The following ANKS1B variants were observed in gnomAD, a reference collection of about 807,000 sequenced individuals.
The protein encoded by ANKS1B is ankyrin repeat and sterile alpha motif domain-containing protein 1B.
In ANKS1B, 36 loss-of-function variants were observed where a neutral mutation model predicts 148.3. The observed-to-expected ratio is 0.24, with a 90% CI of 0.19 to 0.32. The LOEUF (loss-of-function observed/expected upper bound fraction) is 0.32, where lower values mean the gene tolerates loss of function less well. ANKS1B is among the 10% of genes least tolerant of loss of function. The pLI, the probability that ANKS1B is intolerant of heterozygous loss-of-function variation, is 1.00. For missense variants in ANKS1B, 1,157 were observed against 1,542.6 expected, an observed-to-expected ratio of 0.75 and a Z score of 4.19; for synonymous variants, 542 against 560.8, an observed-to-expected ratio of 0.97 and a Z score of 0.47.
At chr12:98,735,499 C>G in exon 10 of ANKS1B, 1 of 629,114 alleles carries the variant, frequency 1.6e-6, no homozygotes, top group Non-Finnish European at 3.1e-6. Context: ...GTGAAGGATT[C>G]AAGCTAAATA....
intron 17 of ANKS1B, among the ~76,000 whole-genome samples, chr12:98,925,730 C>T (rs946656048): frequency 5.3e-5 from 8 of 152,060 alleles, no homozygotes; most frequent in Non-Finnish European, 8.8e-5. Context: ...CTGGAGGGGA[C>T]AGGTCAGGTA....
At chr12:99,823,450 C>T (rs138260719) in intron 2 of ANKS1B, among the ~76,000 whole-genome samples, 310 of 152,170 alleles carry the variant, frequency 2.0e-3, no homozygotes, top group African/African-American at 7.3e-3. Context: ...GGATTACAGG[C>T]ACATATCATC....
rs115644962 is a variant in ANKS1B at position 99,483,566 on chromosome 12, A to G, written c.1438+20910T>C. Among the ~76,000 whole-genome samples the G allele has an allele frequency of 4.7e-3, 708 of 152,032 alleles. 5 individuals are homozygous for G. Among genetic ancestry groups the G allele is most frequent in the African/African-American group, 0.015 (636 of 41,492 alleles). On this transcript the variant is annotated intron_variant, in intron 10 of 26. Transcript: ENST00000683438. The stretch of plus-strand genomic sequence containing the variant: ...TTAACCTTTTGGAAGTTTCAGTAGG[A>G]TTGGTACCAATTCTCTTTTTAATGA...
intron 17 of ANKS1B, among the ~76,000 whole-genome samples, chr12:99,037,828 T>C (rs1418557717): frequency 2.0e-5 from 3 of 152,200 alleles, no homozygotes; most frequent in Non-Finnish European, 4.4e-5. Context: ...TCAATCATTA[T>C]GTGTGAAGCC....
intron 8 of ANKS1B, among the ~76,000 whole-genome samples, chr12:99,692,420 C>T (rs1490245015): frequency 1.3e-5 from 2 of 152,038 alleles, no homozygotes; most frequent in Non-Finnish European, 2.9e-5. Context: ...CCTGTAATCC[C>T]AGCACTTTGG....
chr12:98,784,543 A>G (rs1365496301), intron 22 of ANKS1B, among the ~76,000 whole-genome samples: 1 of 152,204 alleles, frequency 6.6e-6, no homozygotes, highest in Non-Finnish European at 1.5e-5. Flanking sequence ...TTTTGCAACA[A>G]GAAAAAATTG....
At chr12:99,645,642 A>G (rs2016736069) in intron 9 of ANKS1B, among the ~76,000 whole-genome samples, 1 of 152,198 alleles carries the variant, frequency 6.6e-6, no homozygotes, top group Admixed American at 6.5e-5. Flanking sequence ...AACAGCAACC[A>G]CACAGAAAGC....
intron 14 of ANKS1B, chr12:99,154,898 T>C (rs927537031): frequency 3.9e-6 from 6 of 1,535,278 alleles, no homozygotes; most frequent in African/African-American, 1.4e-5. Context: ...TTTTCAATAA[T>C]AGCCATCAGA....
intron 12 of ANKS1B, among the ~76,000 whole-genome samples, chr12:99,265,400 C>T (rs1201512593): frequency 1.3e-5 from 2 of 152,108 alleles, no homozygotes; most frequent in African/African-American, 4.8e-5. Context: ...ACAAACTCTC[C>T]ACTTGATTCT....
chr12:99,614,480 G>A (rs1435014475), intron 9 of ANKS1B, among the ~76,000 whole-genome samples: 1 of 148,288 alleles, frequency 6.7e-6, no homozygotes, highest in African/African-American at 2.5e-5. Context: ...GGGAGGGAAG[G>A]GGAGGGGAGG....
chr12:99,459,094 G>A (rs532377103), intron 10 of ANKS1B, among the ~76,000 whole-genome samples: 103 of 152,098 alleles, frequency 6.8e-4, no homozygotes, highest in African/African-American at 2.4e-3. Flanking sequence ...AAGGAATGCA[G>A]GGATGGTTTA....
chr12:99,197,450 A>T (rs1198573708), intron 14 of ANKS1B, among the ~76,000 whole-genome samples: 3 of 152,074 alleles, frequency 2.0e-5, no homozygotes, highest in African/African-American at 7.2e-5. Context: ...GCCCCCAAAG[A>T]TGTTCATGCC....
At chr12:99,710,004 A>C (rs539915752) in intron 8 of ANKS1B, among the ~76,000 whole-genome samples, 64 of 152,166 alleles carry the variant, frequency 4.2e-4, no homozygotes, top group African/African-American at 1.4e-3. Context: ...TATACCTTTA[A>C]ATGAACAGAG....
At chr12:99,942,609 G>T (rs973163865) in intron 1 of ANKS1B, among the ~76,000 whole-genome samples, 1 of 152,008 alleles carries the variant, frequency 6.6e-6, no homozygotes, top group African/African-American at 2.4e-5. Flanking sequence ...ATTTTTTTTA[G>T]AACAGGAAAG....
chr12:98,760,785 T>G (rs2098388053), intron 25 of ANKS1B, among the ~76,000 whole-genome samples: 1 of 152,226 alleles, frequency 6.6e-6, no homozygotes, highest in African/African-American at 2.4e-5. Context: ...ATGGTCCAAC[T>G]TCTGCCAAGC....
chr12:99,756,898 A>C (rs2061619677), intron 8 of ANKS1B, among the ~76,000 whole-genome samples: 1 of 152,166 alleles, frequency 6.6e-6, no homozygotes, highest in South Asian at 2.1e-4. Flanking sequence ...AGCAATATGC[A>C]GAAAACTGAA....
At chr12:99,873,777 T>G (rs1004538490) in intron 1 of ANKS1B, among the ~76,000 whole-genome samples, 8 of 152,228 alleles carry the variant, frequency 5.3e-5, no homozygotes, top group African/African-American at 1.9e-4. Flanking sequence ...CAGTAGACTT[T>G]AAGTAAAGCA....
chr12:99,044,756 A>G (rs1020915834), intron 17 of ANKS1B, among the ~76,000 whole-genome samples: 3 of 152,090 alleles, frequency 2.0e-5, no homozygotes, highest in Admixed American at 1.3e-4. Flanking sequence ...AAATAGGAGG[A>G]GAAGAGAAAG....
At chr12:98,735,768 G>A in intron 9 of ANKS1B, 1 of 499,948 alleles carries the variant, frequency 2.0e-6, no homozygotes, top group Admixed American at 3.2e-5. Context: ...CAAAAGTCTT[G>A]CTCTACTGCA....
Sources: gnomAD v4.1 joint callset for allele counts (sites outside exome capture counted in the v4.1 genomes callset) on GRCh38, gnomAD v4.1.1 for gene constraint, MANE v1.5 for transcripts, NCBI Gene and HGNC (gene_info 2026-07-23, HGNC 2026-07-21) for gene names.